Variants in PPP2R3A observed in about 807,000 individuals in gnomAD.
The protein encoded by PPP2R3A is protein phosphatase 2 regulatory subunit B''alpha.
In PPP2R3A, 80 loss-of-function variants were observed where a neutral mutation model predicts 106.9. The observed-to-expected ratio is 0.75, with a 90% confidence interval of 0.62 to 0.90. The LOEUF (loss-of-function observed/expected upper bound fraction) is 0.90, where lower values mean the gene tolerates loss of function less well. PPP2R3A is among the 40% of genes least tolerant of loss of function. PPP2R3A has a pLI of 0.00. For synonymous variants in PPP2R3A, 483 were observed against 468.3 expected, an observed-to-expected ratio of 1.03 and a Z score of -0.41; for missense variants, 1,386 against 1,350.4, an observed-to-expected ratio of 1.03 and a Z score of -0.41.
At chr3:135,972,721 T>C (rs1238568157) in intron 1 of PPP2R3A, among the ~76,000 whole-genome samples, 1 of 152,230 alleles carries the variant, frequency 6.6e-6, no homozygotes, top group Non-Finnish European at 1.5e-5. Flanking sequence ...ACGTTGAGCA[T>C]CTTTTCATGT....
intron 13 of PPP2R3A, among the ~76,000 whole-genome samples, chr3:136,115,909 C>A (rs530192529): frequency 1.4e-4 from 21 of 151,848 alleles, no homozygotes; most frequent in Non-Finnish European, 2.2e-4. Context: ...CACAAAGATA[C>A]CCCTTGAGAA....
In PPP2R3A at chr3:136,040,944, T is replaced by G; in HGVS notation, c.2348T>G (p.Phe783Cys). Residue 783 changes from phenylalanine (F) to cysteine (C), a missense_variant, in exon 4 of 14, where the codon TTC (phenylalanine) becomes TGC (cysteine). Phe to Cys is a radical substitution (Grantham distance 205). Coordinates refer to ENST00000264977, the MANE Select transcript of PPP2R3A (RefSeq NM_002718.5). ...ACAGGATTTGTGACAGCACAGTCAT[T>G]CATTGCCATGTGGAGAAAGTAAGTA... ...EKTGFVTAQS[F>C]IAMWRKLLNN... 6.2e-7 allele frequency: 1 copy of G among 1,613,498 alleles called. No individual in the cohort carries two copies. Among genetic ancestry groups the G allele is most frequent in the Non-Finnish European group, 8.5e-7 (1 of 1,179,722 alleles).
intron 2 of PPP2R3A, among the ~76,000 whole-genome samples, chr3:136,007,653 T>C (rs2107796976): frequency 6.6e-6 from 1 of 152,334 alleles, no homozygotes; most frequent in African/African-American, 2.4e-5. Flanking sequence ...AGAGGGTGCT[T>C]TCTCGATCAC....
chr3:136,069,306 G>A (rs571745591), intron 5 of PPP2R3A, among the ~76,000 whole-genome samples: 4 of 152,256 alleles, frequency 2.6e-5, no homozygotes, highest in Non-Finnish European at 4.4e-5. Context: ...GCCAGGCATG[G>A]TGGCTCATGC....
rs538476634 is a variant in PPP2R3A, at chr3:136,018,606, G to T, written c.1996-8226G>T. 8.5e-5 allele frequency among the ~76,000 whole-genome samples: 13 copies of T among 152,338 alleles called. No homozygotes were observed. In the South Asian group the frequency reaches 2.7e-3, roughly 32 times the overall value. ...AATACAGAATGTGTTGTGTTTCACA[G>T]TTTTATTCTCTGTTTCCTACCCAAT... On this transcript the variant is annotated intron_variant, in intron 2 of 13. Transcript: ENST00000264977.
chr3:136,121,300 G>A (rs148170463), intron 13 of PPP2R3A, among the ~76,000 whole-genome samples: 18 of 152,284 alleles, frequency 1.2e-4, no homozygotes, highest in African/African-American at 4.3e-4. Context: ...GATGCAGCTG[G>A]AGGCCATTTT....
intron 12 of PPP2R3A, among the ~76,000 whole-genome samples, 164 bp downstream of exon 12, chr3:136,103,540 GTC>G (rs1192874964): frequency 6.6e-6 from 1 of 152,168 alleles, no homozygotes. Flanking sequence ...TAGAGCACAT[GTC>G]TCTCCACAGC....
Position 136,145,189 on chromosome 3 carries a change from G to A in PPP2R3A, c.*23G>A, listed in dbSNP as rs776960891. 3.0e-5 allele frequency: 48 copies of A among 1,591,024 alleles called. No homozygotes were observed. The highest frequency in any genetic ancestry group is 1.7e-4 in the Middle Eastern group (1 of 5,930). ...TAGCTGCCGGTGTCTACAATGAAAC[G>A]AAGATGTGTATTTTAAATGTTTCTT... On this transcript the variant is annotated 3_prime_UTR_variant, in exon 14 of 14. Coordinates refer to ENST00000264977, the MANE Select transcript of PPP2R3A (RefSeq NM_002718.5).
chr3:136,011,623 G>A lies in PPP2R3A; in HGVS notation c.1995+8130G>A, dbSNP rs564205445. Among the ~76,000 whole-genome samples, 88 of 152,228 alleles carry A rather than the reference G, an allele frequency of 5.8e-4. 1 individual carries two copies. The South Asian group carries it at 0.018, about 30-fold the overall frequency. ...ATCTTCAGAAATTGGATAAAATTACGTGTGTAAACTGATCACTTCAGAAGC... is the reference window on the plus strand; with the variant it reads ...ATCTTCAGAAATTGGATAAAATTACATGTGTAAACTGATCACTTCAGAAGC... On this transcript the variant is annotated intron_variant, in intron 2 of 13. Coordinates refer to ENST00000264977, the MANE Select transcript of PPP2R3A (RefSeq NM_002718.5).
chr3:136,026,860 G>T lies in PPP2R3A; in HGVS notation c.2024G>T (p.Gly675Val), dbSNP rs779367406. 6 of 1,610,350 alleles carry T rather than the reference G, an allele frequency of 3.7e-6. No homozygotes were observed. Among genetic ancestry groups the T allele is most frequent in the Non-Finnish European group, 5.1e-6 (6 of 1,178,320 alleles). The change falls in exon 3 of 14, where the codon GGA becomes GTA. Residue 675 changes from glycine (G) to valine (V), a missense_variant. By Grantham distance (109) the Gly-to-Val change is moderately radical. Coordinates refer to ENST00000264977, the MANE Select transcript of PPP2R3A (RefSeq NM_002718.5). ...KIQNKPEKKPGTPLPPPATSP... is the reference protein window; with the variant it reads ...KIQNKPEKKPVTPLPPPATSP... ...CAAAATAAACCAGAAAAGAAACCTG[G>T]AACACCACTCCCACCTCCAGCCACC...
At chr3:136,011,270 C>A (rs1934063543) in intron 2 of PPP2R3A, among the ~76,000 whole-genome samples, 1 of 151,744 alleles carries the variant, frequency 6.6e-6, no homozygotes, top group Admixed American at 6.6e-5. Context: ...ATTTCAATTA[C>A]TGTTTCTTTT....
intron 13 of PPP2R3A, among the ~76,000 whole-genome samples, chr3:136,113,198 A>T (rs1174796670): frequency 6.1e-3 from 1 of 164 alleles, no homozygotes; most frequent in Non-Finnish European, 0.016. Flanking sequence ...CAGGAGCATC[A>T]CACTACCCAA....
In PPP2R3A at chr3:135,965,745, C is replaced by T. The variant is rs1303728164; in HGVS notation, c.-545C>T. The T allele has an allele frequency of 6.6e-6, 1 of 152,208 alleles. No individual in the cohort carries two copies. Among genetic ancestry groups the T allele is most frequent in the Non-Finnish European group, 1.5e-5 (1 of 68,116 alleles). The allele number at this position is 152,208 out of a possible 1,614,324, so 9.4% of individuals were successfully genotyped here. On this transcript the variant is annotated 5_prime_UTR_variant, in exon 1 of 14. Coordinates refer to ENST00000264977, the MANE Select transcript of PPP2R3A (RefSeq NM_002718.5). ...GGCGGGGCGCGCTCGGGCCTCCGCT[C>T]TTCACGCGCCGCATTCGTAGCCCGA... is the stretch of plus-strand genomic sequence containing the variant.
At chr3:136,027,224 G>A (rs555003125) in intron 3 of PPP2R3A, 126 bp downstream of exon 3, 9 of 868,086 alleles carry the variant, frequency 1.0e-5, no homozygotes, top group South Asian at 7.7e-5. Flanking sequence ...AGCATGCATG[G>A]AATTGTTGTT....
At chr3:136,086,503 C>T (rs917560708) in intron 8 of PPP2R3A, among the ~76,000 whole-genome samples, 4 of 152,120 alleles carry the variant, frequency 2.6e-5, no homozygotes, top group Non-Finnish European at 5.9e-5. Flanking sequence ...TAATTATCCA[C>T]TCACCAGACT....
intron 5 of PPP2R3A, among the ~76,000 whole-genome samples, chr3:136,062,474 A>G (rs542779835): frequency 7.2e-5 from 11 of 152,172 alleles, no homozygotes; most frequent in Non-Finnish European, 1.5e-4. Flanking sequence ...CTGTAATCCT[A>G]GCACTTTGGG....
At chr3:135,981,927 C>T (rs956687643) in intron 1 of PPP2R3A, among the ~76,000 whole-genome samples, 3 of 151,634 alleles carry the variant, frequency 2.0e-5, no homozygotes. Context: ...TGCATTTAAA[C>T]AGGAAAGCAA....
intron 8 of PPP2R3A, among the ~76,000 whole-genome samples, chr3:136,087,245 GTCTCTCTCTCTCTCTCTCTCTCTCTCTC>G (rs34566151): frequency 9.3e-5 from 7 of 75,078 alleles, no homozygotes; most frequent in Non-Finnish European, 1.3e-4. Context: ...CTCTAGTCGT[GTCTCTCTCTCTCTCTCTCTCTCTCTCTC>G]TCTCTCTCTC....
At chr3:135,985,394 CT>C (rs1559852015) in intron 1 of PPP2R3A, among the ~76,000 whole-genome samples, 2 of 149,758 alleles carry the variant, frequency 1.3e-5, no homozygotes, top group African/African-American at 4.9e-5. Context: ...CTCTCTCCCT[CT>C]CTCCCTCTCT....
Sources: allele counts gnomAD v4.1 joint callset (sites outside exome capture counted in the v4.1 genomes callset), GRCh38; gene constraint gnomAD v4.1.1; transcripts MANE v1.5; gene names NCBI Gene and HGNC (gene_info 2026-07-23, HGNC 2026-07-21).